The following RGS22 variants were observed in gnomAD, a reference collection of about 807,000 sequenced individuals.
The protein encoded by RGS22 is regulator of G-protein signaling 22.
Under a neutral mutation model 172.9 loss-of-function variants are expected in RGS22, and 148 were observed. The observed-to-expected ratio is 0.86, with a 90% CI of 0.75 to 0.98. The LOEUF is 0.98. Ranked by LOEUF, RGS22 falls within the 50% of genes least tolerant of loss-of-function variation. The probability of loss-of-function intolerance (pLI) is 0.00; values close to 1 mark genes in which losing one functional copy is unlikely to be tolerated. For synonymous variants in RGS22, 458 were observed against 480.2 expected, an observed-to-expected ratio of 0.95 and a Z score of 0.60; for missense variants, 1,347 against 1,440.8, an observed-to-expected ratio of 0.93 and a Z score of 1.05.
At position 100,062,652 on chromosome 8, in the gene RGS22, A is replaced by C. The variant is rs760338753; in HGVS notation, c.1453T>G (p.Trp485Gly). 6.8e-6 allele frequency: 11 copies of C among 1,606,588 alleles called. No individual in the cohort carries two copies. The highest frequency in any genetic ancestry group is 7.7e-6 in the Non-Finnish European group (9 of 1,174,854). The change falls in exon 9 of 28, where the codon TGG (tryptophan) becomes GGG (glycine). Residue 485 changes from tryptophan to glycine, a missense_variant. Coordinates refer to ENST00000360863, the MANE Select transcript of RGS22 (RefSeq NM_015668.5). ...SKFKLLDGSQ[W>G]NEEHLRNIQS... ...ATATTTCTTAAATGCTCTTCATTCC[A>C]CTGTGATCCATCTAACAGTTTAAAT...
chr8:100,049,319 G>A (rs181164092), intron 10 of RGS22, among the ~76,000 whole-genome samples: 2 of 152,240 alleles, frequency 1.3e-5, no homozygotes, highest in South Asian at 2.1e-4. Context: ...GTTTCTGTAT[G>A]GAAAAATAAA....
intron 14 of RGS22, among the ~76,000 whole-genome samples, chr8:100,034,689 G>A (rs547598380): frequency 6.6e-6 from 1 of 152,296 alleles, no homozygotes; most frequent in African/African-American, 2.4e-5. Context: ...CAAAGCTGGA[G>A]GCATCACGCT....
In RGS22 at chr8:100,073,372, T is replaced by C. The variant is rs79028031; in HGVS notation, c.340-1142A>G. Among the ~76,000 whole-genome samples, 1,177 of 152,136 alleles carry C rather than the reference T, an allele frequency of 7.7e-3. 4 individuals carry two copies. Among genetic ancestry groups the C allele is most frequent in the Non-Finnish European group, 0.012 (806 of 67,994 alleles). Reference sequence around the variant, plus strand: ...TCATTGCTGATACGCGCAGAAGTCTTTAGGCATTCAGGATTGGAACATAAA... The same window carrying C: ...TCATTGCTGATACGCGCAGAAGTCTCTAGGCATTCAGGATTGGAACATAAA... On this transcript the variant is annotated intron_variant, in intron 4 of 27. Coordinates refer to ENST00000360863, the MANE Select transcript of RGS22 (RefSeq NM_015668.5).
At chr8:100,009,023 T>C (rs1816059646) in intron 14 of RGS22, among the ~76,000 whole-genome samples, 1 of 152,158 alleles carries the variant, frequency 6.6e-6, no homozygotes, top group African/African-American at 2.4e-5. Flanking sequence ...CCCTACCAAA[T>C]TGAGCTGCAG....
intron 9 of RGS22, 26 bp from the exon 10 acceptor site, chr8:100,053,002 G>C: frequency 1.3e-6 from 2 of 1,599,812 alleles, no homozygotes; most frequent in Non-Finnish European, 1.7e-6. Flanking sequence ...ATAAATGTAA[G>C]ATTGAACTAA....
At chr8:100,022,266 A>G (rs1817670905) in intron 14 of RGS22, among the ~76,000 whole-genome samples, 1 of 152,236 alleles carries the variant, frequency 6.6e-6, no homozygotes, top group South Asian at 2.1e-4. Context: ...ATGATGACAA[A>G]CTAGAATTTT....
intron 2 of RGS22, among the ~76,000 whole-genome samples, chr8:100,104,145 C>T (rs1813718715): frequency 1.3e-5 from 2 of 152,146 alleles, no homozygotes; most frequent in African/African-American, 4.8e-5. Flanking sequence ...TGGTGAAACT[C>T]TGTCTCTACA....
chr8:99,977,864 A>C, intron 23 of RGS22, 53 bp downstream of exon 23: 1 of 1,403,178 alleles, frequency 7.1e-7, no homozygotes, highest in South Asian at 1.4e-5. Flanking sequence ...TAATTCACAC[A>C]TATCACATAA....
intron 22 of RGS22, among the ~76,000 whole-genome samples, chr8:99,979,090 T>C (rs1812273556): frequency 6.6e-6 from 1 of 152,210 alleles, no homozygotes; most frequent in Non-Finnish European, 1.5e-5. Context: ...GATACTTTAT[T>C]TGATGAAACG....
intron 20 of RGS22, among the ~76,000 whole-genome samples, chr8:99,995,101 A>T (rs1342369392): frequency 7.2e-5 from 11 of 152,208 alleles, no homozygotes; most frequent in Admixed American, 3.9e-4. Flanking sequence ...CTTACACCTT[A>T]TACAAAAATT....
intron 11 of RGS22, among the ~76,000 whole-genome samples, chr8:100,044,631 T>TC (rs1483092134): frequency 6.6e-6 from 1 of 151,876 alleles, no homozygotes; most frequent in Non-Finnish European, 1.5e-5. Flanking sequence ...CCTTTCTTTT[T>TC]TTTTTTTTTT....
At chr8:99,985,834 T>C (rs1185078076) in intron 21 of RGS22, among the ~76,000 whole-genome samples, 1 of 152,182 alleles carries the variant, frequency 6.6e-6, no homozygotes, top group African/African-American at 2.4e-5. Context: ...TTTACAAAGT[T>C]TATCTCATTA....
At chr8:100,076,061 T>A (rs1372134041) in intron 4 of RGS22, among the ~76,000 whole-genome samples, 3 of 152,234 alleles carry the variant, frequency 2.0e-5, no homozygotes, top group African/African-American at 7.2e-5. Flanking sequence ...GCACATTTTT[T>A]AATTGGGTTA....
At chr8:100,059,369 T>C (rs747180486) in intron 9 of RGS22, among the ~76,000 whole-genome samples, 1 of 151,890 alleles carries the variant, frequency 6.6e-6, no homozygotes, top group Non-Finnish European at 1.5e-5. Context: ...ACAAGACCCA[T>C]TGATATGGTG....
chr8:100,017,424 T>C (rs1435682182), intron 14 of RGS22, among the ~76,000 whole-genome samples: 2 of 152,168 alleles, frequency 1.3e-5, no homozygotes, highest in East Asian at 1.9e-4. Context: ...CCCAGGATGG[T>C]AGGGACACAG....
intron 23 of RGS22, among the ~76,000 whole-genome samples, chr8:99,966,573 G>A (rs1810755438): frequency 6.6e-6 from 1 of 151,850 alleles, no homozygotes; most frequent in Non-Finnish European, 1.5e-5. Context: ...AAACAAATAA[G>A]CCAACAGATG....
chr8:99,961,646 T>A (rs1810208134), intron 27 of RGS22, among the ~76,000 whole-genome samples: 1 of 152,148 alleles, frequency 6.6e-6, no homozygotes, highest in Non-Finnish European at 1.5e-5. Flanking sequence ...CATAGGAGCA[T>A]GAGAACGGAC....
intron 14 of RGS22, among the ~76,000 whole-genome samples, chr8:100,019,346 T>C (rs1182075712): frequency 6.6e-6 from 1 of 152,252 alleles, no homozygotes; most frequent in Non-Finnish European, 1.5e-5. Flanking sequence ...ATGGAACAGT[T>C]TCACATACTT....
chr8:100,077,741 G>A (rs1303999397), intron 4 of RGS22, among the ~76,000 whole-genome samples: 1 of 152,162 alleles, frequency 6.6e-6, no homozygotes, highest in Non-Finnish European at 1.5e-5. Flanking sequence ...GATTTACTTG[G>A]TTGCTAGTGT....
Sources: allele counts gnomAD v4.1 joint callset (sites outside exome capture counted in the v4.1 genomes callset), GRCh38; gene constraint gnomAD v4.1.1; transcripts MANE v1.5; gene names NCBI Gene and HGNC (gene_info 2026-07-23, HGNC 2026-07-21).